Variants in FSD1L observed in about 807,000 individuals in gnomAD.
FSD1L encodes the protein fibronectin type III and SPRY domain containing 1 like.
In FSD1L, 45 loss-of-function variants were observed where a neutral mutation model predicts 71.6. That is an observed-to-expected ratio of 0.63 (90% confidence interval 0.49 to 0.81). The LOEUF (loss-of-function observed/expected upper bound fraction) is 0.81. FSD1L is among the 30% of genes least tolerant of loss of function. FSD1L has a pLI of 0.00. For synonymous variants in FSD1L, 197 were observed against 207.2 expected (o/e 0.95, Z 0.42); for missense variants, 561 against 618.1 (o/e 0.91, Z 0.98).
chr9:105,442,674 C>T, the FSD1L span, among the ~76,000 whole-genome samples: 10 of 151,744 alleles, frequency 6.6e-5, no homozygotes, highest in Non-Finnish European at 1.5e-4. Flanking sequence ...GGTGACAGAG[C>T]CAGACCCTGT....
In FSD1L at chr9:105,535,147, G is replaced by A; in HGVS notation, c.1207G>A (p.Ala403Thr). 6.4e-7 allele frequency: 1 copy of A among 1,551,914 alleles called. No individual in the cohort carries two copies. The highest frequency in any genetic ancestry group is 8.7e-7 in the Non-Finnish European group (1 of 1,146,994). The change falls in exon 12 of 14, where the codon GCA (alanine) becomes ACA (threonine). Residue 403 changes from alanine to threonine, a missense_variant. By Grantham distance (58) the Ala-to-Thr change is moderately conservative. Coordinates refer to ENST00000481272, the MANE Select transcript of FSD1L (RefSeq NM_001145313.3). ...TTGTAAATCCTACAGTGTGGGAGTAGCATACAAAACGTTGGGGAAATTTGA... is the reference window on the plus strand; with the variant it reads ...TTGTAAATCCTACAGTGTGGGAGTAACATACAAAACGTTGGGGAAATTTGA... ...KDCKSYSVGVAYKTLGKFDQL... is the reference protein window; with the variant it reads ...KDCKSYSVGVTYKTLGKFDQL...
At chr9:105,521,374 C>A (rs965645804) in intron 10 of FSD1L, 26 of 1,614,018 alleles carry the variant, frequency 1.6e-5, no homozygotes, top group Non-Finnish European at 2.2e-5. Flanking sequence ...AGCACTCTCA[C>A]GGAGCGAGAA....
chr9:105,455,585 G>A (rs1483047338), intron 1 of FSD1L, among the ~76,000 whole-genome samples: 2 of 152,158 alleles, frequency 1.3e-5, no homozygotes. Context: ...GCAGCCTAGG[G>A]TACAGGCTCT....
rs1463263737 is a variant in FSD1L at position 105,448,152 on chromosome 9, C to G, written c.-69C>G. ...CAGTGAGTAGCGGTCTTGGGGTGTG[C>G]GATCTCGCTGAGCCTCCTCACACGG... On this transcript the variant is annotated 5_prime_UTR_variant, in exon 1 of 14. Coordinates refer to ENST00000481272, the MANE Select transcript of FSD1L (RefSeq NM_001145313.3). The G allele has an allele frequency of 6.7e-7, 1 of 1,490,216 alleles. No individual in the cohort carries two copies. Among genetic ancestry groups the G allele is most frequent in the Non-Finnish European group, 9.1e-7 (1 of 1,095,394 alleles). 92.3% of individuals were successfully genotyped at this position (1,490,216 alleles called of 1,614,324 possible).
At chr9:105,520,148 C>T (rs1263828386) in intron 10 of FSD1L, 5 of 1,607,722 alleles carry the variant, frequency 3.1e-6, no homozygotes, top group Non-Finnish European at 4.2e-6. Context: ...AGAAGCCGCA[C>T]GGGGACGTGA....
intron 1 of FSD1L, among the ~76,000 whole-genome samples, chr9:105,451,360 G>A (rs1829993645): frequency 6.6e-6 from 1 of 152,218 alleles, no homozygotes; most frequent in South Asian, 2.1e-4. Context: ...ATAGAAAGAG[G>A]TTTGGAAGTT....
Position 105,524,773 on chromosome 9 carries a change from G to A in FSD1L, c.1026-9720G>A, listed in dbSNP as rs911725852. The A allele has an allele frequency of 5.7e-5, 91 of 1,603,784 alleles. 1 individual carries two copies. The highest frequency in any genetic ancestry group is 8.4e-5 in the Admixed American group (5 of 59,766). Reference sequence around the variant, plus strand: ...CATGGATTAATCTCTATAGCAGCCCGCACTGTTATTACACATCTGGTAAAT... The same window carrying A: ...CATGGATTAATCTCTATAGCAGCCCACACTGTTATTACACATCTGGTAAAT... On this transcript the variant is annotated intron_variant, in intron 10 of 13. Coordinates refer to ENST00000481272, the MANE Select transcript of FSD1L (RefSeq NM_001145313.3).
intron 1 of FSD1L, among the ~76,000 whole-genome samples, chr9:105,450,230 A>G (rs1344519630): frequency 6.6e-6 from 1 of 152,222 alleles, no homozygotes; most frequent in East Asian, 1.9e-4. Context: ...ATTTTTAGAT[A>G]CTATTTTCTG....
At position 105,506,597 on chromosome 9, in the gene FSD1L, A is replaced by G. The variant is rs969908894; in HGVS notation, c.785A>G (p.Tyr262Cys). The change falls in exon 8 of 14, where the codon TAT (tyrosine) becomes TGT (cysteine). Residue 262 changes from tyrosine to cysteine, a missense_variant. Around this residue, in one of 3 missense-constraint regions of FSD1L, gnomAD observed 410 missense variants for 413.5 expected, o/e 0.99. Coordinates refer to ENST00000481272, the MANE Select transcript of FSD1L (RefSeq NM_001145313.3). ...EIIDNIKGTE[Y>C]TLSGLKFDSK... ...ATTGATAATATTAAGGGTACTGAAT[A>G]TACACTATCAGGTAACATGACTGCA... 1.6e-5 allele frequency: 25 copies of G among 1,542,240 alleles called. No individual in the cohort carries two copies. In the Admixed American group the frequency reaches 3.7e-4, roughly 23 times the overall value.
intron 12 of FSD1L, among the ~76,000 whole-genome samples, chr9:105,536,694 G>A (rs1054773032): frequency 6.6e-6 from 1 of 152,046 alleles, no homozygotes; most frequent in African/African-American, 2.4e-5. Context: ...GGAGTGCAGT[G>A]GCTCAGTCTC....
chr9:105,444,805 T>A (rs1829608152), upstream of FSD1L, among the ~76,000 whole-genome samples: 1 of 152,224 alleles, frequency 6.6e-6, no homozygotes, highest in East Asian at 1.9e-4. Flanking sequence ...GTAAACAATT[T>A]GCTTTCTCGC....
At chr9:105,499,773 C>T (rs1163963160) in intron 7 of FSD1L, among the ~76,000 whole-genome samples, 1 of 151,074 alleles carries the variant, frequency 6.6e-6, no homozygotes, top group Non-Finnish European at 1.5e-5. Flanking sequence ...AATATATCTT[C>T]TGTTCCTTTC....
chr9:105,480,730 T>C (rs1225117629), intron 6 of FSD1L, among the ~76,000 whole-genome samples: 1 of 152,210 alleles, frequency 6.6e-6, no homozygotes, highest in East Asian at 1.9e-4. Context: ...GAGGAATGGA[T>C]GCTAGATAGG....
chr9:105,543,727 C>T (rs1836785516), intron 13 of FSD1L, among the ~76,000 whole-genome samples: 1 of 152,142 alleles, frequency 6.6e-6, no homozygotes, highest in Non-Finnish European at 1.5e-5. Context: ...ATGATGGTTT[C>T]CAGCTTCATC....
intron 10 of FSD1L, chr9:105,523,106 T>C: frequency 1.9e-6 from 3 of 1,614,084 alleles, no homozygotes; most frequent in South Asian, 2.2e-5. Context: ...ATCAGAGTGC[T>C]GAAGAGCAGG....
At chr9:105,469,290 T>C (rs1831281523) in intron 4 of FSD1L, among the ~76,000 whole-genome samples, 1 of 152,208 alleles carries the variant, frequency 6.6e-6, no homozygotes, top group Non-Finnish European at 1.5e-5. Flanking sequence ...TACTTCAAAG[T>C]AGGATTGCTG....
chr9:105,543,405 A>G (rs2904847), intron 13 of FSD1L, among the ~76,000 whole-genome samples: 3 of 152,080 alleles, frequency 2.0e-5, no homozygotes, highest in Non-Finnish European at 2.9e-5. Flanking sequence ...TGCTCTGTTC[A>G]CAAGCAGTTT....
upstream of FSD1L, among the ~76,000 whole-genome samples, chr9:105,446,750 TA>T (rs1399488775): frequency 6.6e-6 from 1 of 151,570 alleles, no homozygotes; most frequent in Non-Finnish European, 1.5e-5. Context: ...TACTAGATTG[TA>T]AGCTCTGTGA....
intron 10 of FSD1L, chr9:105,523,811 T>C (rs1835335350): frequency 1.3e-6 from 2 of 1,598,714 alleles, no homozygotes; most frequent in Admixed American, 3.3e-5. Context: ...TTGACCAGGA[T>C]ATTGTCAATA....
Sources: gnomAD v4.1 joint callset for allele counts (sites outside exome capture counted in the v4.1 genomes callset) on GRCh38, gnomAD v4.1.1 for gene constraint, gnomAD v4.1.1 regional missense constraint, MANE v1.5 for transcripts, NCBI Gene and HGNC (gene_info 2026-07-23, HGNC 2026-07-21) for gene names.